Variants in EHBP1 observed in about 807,000 individuals in gnomAD.
EHBP1 encodes the protein EH domain-binding protein 1.
A neutral mutation model predicts 144.0 loss-of-function variants in EHBP1; 55 were observed. The observed-to-expected ratio is 0.38, with a 90% confidence interval of 0.31 to 0.48. The LOEUF is 0.48. EHBP1 is among the 20% of genes least tolerant of loss of function. The pLI is 0.98. For synonymous variants in EHBP1, 469 were observed against 472.7 expected, an observed-to-expected ratio of 0.99 and a Z score of 0.10; for missense variants, 1,200 against 1,364.2, an observed-to-expected ratio of 0.88 and a Z score of 1.90.
At chr2:62,780,504 T>G (rs1171992547) in intron 5 of EHBP1, among the ~76,000 whole-genome samples, 1 of 152,118 alleles carries the variant, frequency 6.6e-6, no homozygotes, top group Non-Finnish European at 1.5e-5. Flanking sequence ...TGTTAAGTAT[T>G]TAATGTGCTG....
upstream of EHBP1, among the ~76,000 whole-genome samples, chr2:62,703,205 A>T: frequency 6.9e-6 from 1 of 144,128 alleles, no homozygotes; most frequent in South Asian, 2.2e-4. Flanking sequence ...CTTGCTCCTT[A>T]AAAAAAAAAA....
chr2:62,947,453 A>G (rs1204513694), intron 12 of EHBP1, among the ~76,000 whole-genome samples: 2 of 152,214 alleles, frequency 1.3e-5, no homozygotes, highest in Non-Finnish European at 2.9e-5. Flanking sequence ...TTTACATCCC[A>G]GAGCAAGAAT....
chr2:62,989,051 T>A (rs2153221519), intron 15 of EHBP1, among the ~76,000 whole-genome samples: 1 of 152,268 alleles, frequency 6.6e-6, no homozygotes, highest in East Asian at 1.9e-4. Flanking sequence ...TAAATTATAC[T>A]ATTGCTAAAT....
At chr2:62,715,365 C>T (rs1445139613) in intron 2 of EHBP1, among the ~76,000 whole-genome samples, 11 of 152,078 alleles carry the variant, frequency 7.2e-5, no homozygotes, top group African/African-American at 1.7e-4. Flanking sequence ...CCGCCTGCTT[C>T]GGCCTCCCAA....
intron 3 of EHBP1, among the ~76,000 whole-genome samples, chr2:62,754,984 C>T (rs1289995572): frequency 6.6e-6 from 1 of 152,170 alleles, no homozygotes; most frequent in Non-Finnish European, 1.5e-5. Flanking sequence ...CGATGGGCTG[C>T]ACCCACTGTC....
At chr2:62,801,413 A>G (rs548361477) in intron 5 of EHBP1, among the ~76,000 whole-genome samples, 1 of 152,258 alleles carries the variant, frequency 6.6e-6, no homozygotes, top group Non-Finnish European at 1.5e-5. Context: ...TGTTGTGAGT[A>G]TATTACAGAC....
chr2:62,937,083 A>G (rs2056434385), intron 10 of EHBP1, among the ~76,000 whole-genome samples: 1 of 152,218 alleles, frequency 6.6e-6, no homozygotes, highest in African/African-American at 2.4e-5. Flanking sequence ...TGAAGTTGAA[A>G]TTGTTTGGGT....
At chr2:62,930,698 G>C (rs1028949327) in intron 10 of EHBP1, among the ~76,000 whole-genome samples, 1 of 152,114 alleles carries the variant, frequency 6.6e-6, no homozygotes, top group Non-Finnish European at 1.5e-5. Flanking sequence ...ATGGAATAGA[G>C]AGTCCAGAAA....
intron 8 of EHBP1, among the ~76,000 whole-genome samples, chr2:62,860,261 T>C (rs1476478245): frequency 1.3e-5 from 2 of 152,118 alleles, no homozygotes; most frequent in Non-Finnish European, 2.9e-5. Context: ...AGGCCAGGGC[T>C]GGCGGATCAC....
intron 6 of EHBP1, among the ~76,000 whole-genome samples, chr2:62,828,280 T>C (rs1206316297): frequency 6.6e-6 from 1 of 152,176 alleles, no homozygotes. Context: ...TATAGCAAAG[T>C]AAAAATTAAT....
chr2:62,999,745 T>A (rs2059776317), intron 19 of EHBP1, among the ~76,000 whole-genome samples: 1 of 152,232 alleles, frequency 6.6e-6, no homozygotes, highest in African/African-American at 2.4e-5. Context: ...ATATTTGGGT[T>A]GTTTCCACTT....
intron 2 of EHBP1, among the ~76,000 whole-genome samples, chr2:62,712,189 TTAGG>T (rs1482920644): frequency 6.6e-6 from 1 of 152,086 alleles, no homozygotes; most frequent in East Asian, 1.9e-4. Context: ...AACGTTGAAC[TTAGG>T]TAGAAGCAGG....
At chr2:63,036,183 ATACT>A (rs1335738642) in intron 19 of EHBP1, among the ~76,000 whole-genome samples, 1 of 152,092 alleles carries the variant, frequency 6.6e-6, no homozygotes, top group Non-Finnish European at 1.5e-5. Context: ...TAATGTAGAA[ATACT>A]TAAATAAATT....
Position 62,864,840 on chromosome 2 carries a change from T to C in EHBP1, c.867T>C (p.Asp289=), listed in dbSNP as rs369520773. ...CTCCACAGTATTTGAACCCATTCGA[T>C]GAGCCAGAAGCATTTGTGACCATAA... is the stretch of plus-strand genomic sequence containing the variant. The part of the protein sequence containing the change: ...VQTPQYLNPF[D]EPEAFVTIKD... The change falls in exon 9 of 23, where the codon GAT becomes GAC. Residue 289 remains aspartate (D), a synonymous_variant. Coordinates refer to ENST00000431489, the MANE Select transcript of EHBP1 (RefSeq NM_001142616.3). 1.2e-6 allele frequency: 2 copies of C among 1,613,242 alleles called. No homozygotes were observed. Among genetic ancestry groups the C allele is most frequent in the African/African-American group, 1.3e-5 (1 of 74,912 alleles).
chr2:62,943,527 A>G (rs1553482569), intron 11 of EHBP1, among the ~76,000 whole-genome samples: 1 of 152,134 alleles, frequency 6.6e-6, no homozygotes, highest in Non-Finnish European at 1.5e-5. Context: ...ACCTCATACT[A>G]AATTTGGTTG....
At chr2:62,750,969 C>A (rs1224253215) in intron 3 of EHBP1, among the ~76,000 whole-genome samples, 1 of 152,082 alleles carries the variant, frequency 6.6e-6, no homozygotes, top group Non-Finnish European at 1.5e-5. Context: ...AATCGAATAC[C>A]TTTATTTCTT....
intron 1 of EHBP1, among the ~76,000 whole-genome samples, chr2:62,696,142 TTCTCTCTC>T (rs560824913): frequency 3.0e-5 from 4 of 132,436 alleles, no homozygotes; most frequent in South Asian, 2.9e-4. Flanking sequence ...CTCCCTTCCT[TTCTCTCTC>T]TCTCTCTCTC....
chr2:62,869,544 A>T (rs897614953), intron 9 of EHBP1, among the ~76,000 whole-genome samples: 1 of 152,338 alleles, frequency 6.6e-6, no homozygotes, highest in East Asian at 1.9e-4. Flanking sequence ...ACTGTGTGAT[A>T]CCATTTATTT....
intron 5 of EHBP1, among the ~76,000 whole-genome samples, chr2:62,812,955 T>C (rs1329805530): frequency 6.6e-6 from 1 of 152,174 alleles, no homozygotes; most frequent in African/African-American, 2.4e-5. Flanking sequence ...CTAAGGAGAT[T>C]AGTACATTTG....
Sources: allele counts gnomAD v4.1 joint callset (sites outside exome capture counted in the v4.1 genomes callset), GRCh38; gene constraint gnomAD v4.1.1; transcripts MANE v1.5; gene names NCBI Gene and HGNC (gene_info 2026-07-23, HGNC 2026-07-21).